ABCC1: variants seen among roughly 807,000 people sequenced by gnomAD.
ABCC1 encodes multidrug resistance-associated protein 1.
ABCC1 carries 83 observed loss-of-function variants against 172.9 expected under a neutral mutation model. That is an observed-to-expected ratio of 0.48 (90% CI 0.40 to 0.58). ABCC1 has a LOEUF of 0.58. ABCC1 is among the 20% of genes least tolerant of loss of function. ABCC1 has a pLI of 0.00. For synonymous variants in ABCC1, 937 were observed against 825.2 expected (o/e 1.14, Z -2.32); for missense variants, 1,817 against 2,002.7 (o/e 0.91, Z 1.77).
intron 1 of ABCC1, among the ~76,000 whole-genome samples, chr16:15,953,911 C>G (rs547150731): frequency 6.6e-6 from 1 of 151,982 alleles, no homozygotes; most frequent in Non-Finnish European, 1.5e-5. Flanking sequence ...CAGCAGTGTA[C>G]GACGAGCCAA....
intron 1 of ABCC1, among the ~76,000 whole-genome samples, chr16:15,968,540 C>G (rs2046297916): frequency 6.6e-6 from 1 of 151,710 alleles, no homozygotes; most frequent in African/African-American, 2.4e-5. Flanking sequence ...CTATGTCTAG[C>G]TAATTTTTGT....
intron 19 of ABCC1, among the ~76,000 whole-genome samples, chr16:16,101,121 TC>T (rs2051725409): frequency 1.3e-5 from 2 of 152,006 alleles, no homozygotes; most frequent in African/African-American, 4.8e-5. Flanking sequence ...AACCTCCGCC[TC>T]CCGGGTTCAA....
chr16:16,115,377 C>G (rs1567422543), intron 23 of ABCC1, among the ~76,000 whole-genome samples: 1 of 151,956 alleles, frequency 6.6e-6, no homozygotes, highest in African/African-American at 2.4e-5. Context: ...TTTCTTGAGA[C>G]AGAGTCTCGC....
chr16:15,989,549 G>T (rs1000272741), intron 1 of ABCC1, among the ~76,000 whole-genome samples: 5 of 152,096 alleles, frequency 3.3e-5, no homozygotes, highest in Non-Finnish European at 7.4e-5. Flanking sequence ...AGCTTCCCTT[G>T]GCTTCTGAGC....
chr16:16,096,771 C>T (rs546509016), intron 19 of ABCC1, among the ~76,000 whole-genome samples: 17 of 152,234 alleles, frequency 1.1e-4, no homozygotes, highest in Non-Finnish European at 2.2e-4. Flanking sequence ...GGACTGGCAA[C>T]GGAATACACA....
At chr16:16,122,377 G>A (rs760032284) in intron 24 of ABCC1, among the ~76,000 whole-genome samples, 5 of 152,172 alleles carry the variant, frequency 3.3e-5, no homozygotes, top group Admixed American at 1.3e-4. Context: ...AGTGCCCGCG[G>A]CATTTAAGTG....
chr16:16,036,159 A>G (rs2048747603), intron 6 of ABCC1, among the ~76,000 whole-genome samples: 1 of 152,070 alleles, frequency 6.6e-6, no homozygotes, highest in South Asian at 2.1e-4. Context: ...AATAAAAAAT[A>G]AAAAAGAGCT....
intron 1 of ABCC1, among the ~76,000 whole-genome samples, chr16:15,974,416 AC>A (rs2046438833): frequency 1.3e-5 from 2 of 152,038 alleles, no homozygotes; most frequent in African/African-American, 2.4e-5. Flanking sequence ...TTGAGCGGTT[AC>A]AGAGTGGGAG....
chr16:15,975,790 A>C lies in ABCC1; in HGVS notation c.48+25991A>C, dbSNP rs1441065921. On this transcript the variant is annotated intron_variant, in intron 1 of 30. Transcript: ENST00000399410. ...AAGCTGGTCTGGAACTCCCAACCTC[A>C]GGTGATCTGCCCGCCTCAGCCTCCC... Among the ~76,000 whole-genome samples the C allele has an allele frequency of 7.2e-5, 11 of 151,892 alleles. No homozygotes were observed. In the East Asian group the frequency reaches 2.2e-3, roughly 30 times the overall value.
chr16:16,036,027 G>A (rs1210214585), intron 6 of ABCC1, among the ~76,000 whole-genome samples: 3 of 152,022 alleles, frequency 2.0e-5, no homozygotes, highest in Non-Finnish European at 2.9e-5. Context: ...GGGAGGTTGA[G>A]ATGGGAGAAC....
chr16:16,044,380 G>A (rs2049111799), intron 7 of ABCC1, 70 bp from the exon 8 acceptor site: 3 of 1,351,444 alleles, frequency 2.2e-6, no homozygotes, highest in Middle Eastern at 2.4e-4. Context: ...ACATTCCCTG[G>A]CCATGTCCCT....
rs892069984 is a variant in ABCC1, at chr16:16,056,099, A to T, written c.1481A>T (p.His494Leu). The T allele has an allele frequency of 1.2e-6, 2 of 1,614,014 alleles. No individual in the cohort carries two copies. The highest frequency in any genetic ancestry group is 1.7e-6 in the Non-Finnish European group (2 of 1,179,984). Residue 494 changes from histidine (H) to leucine (L), a missense_variant, in exon 12 of 31, where the codon CAC (histidine) becomes CTC (leucine). By Grantham distance (99) the His-to-Leu change is moderately conservative (BLOSUM62 -3). Coordinates refer to ENST00000399410, the MANE Select transcript of ABCC1 (RefSeq NM_004996.4). Reference protein sequence around the residue: ...AMKTKTYQVAHMKSKDNRIKL... With the variant: ...AMKTKTYQVALMKSKDNRIKL... ...CTGCCCGTCTCTTCCAAGGTGGCCCACATGAAGAGCAAAGACAATCGGATC... is the reference window on the plus strand; with the variant it reads ...CTGCCCGTCTCTTCCAAGGTGGCCCTCATGAAGAGCAAAGACAATCGGATC...
chr16:15,984,598 C>T (rs1412905976), intron 1 of ABCC1, among the ~76,000 whole-genome samples: 1 of 151,902 alleles, frequency 6.6e-6, no homozygotes. Context: ...GTGTGCGCCA[C>T]CAAGCTCAGC....
At chr16:16,092,819 G>C (rs560456295) in intron 19 of ABCC1, among the ~76,000 whole-genome samples, 5 of 152,264 alleles carry the variant, frequency 3.3e-5, no homozygotes, top group East Asian at 1.9e-4. Context: ...GTGAAACCTC[G>C]TCTCTACTGA....
intron 10 of ABCC1, among the ~76,000 whole-genome samples, chr16:16,052,477 T>C (rs1472756726): frequency 6.6e-6 from 1 of 151,604 alleles, no homozygotes; most frequent in Non-Finnish European, 1.5e-5. Context: ...GCAAAACTCA[T>C]GTGGCCCCAA....
At chr16:15,976,665 C>A (rs971799377) in intron 1 of ABCC1, among the ~76,000 whole-genome samples, 1 of 152,132 alleles carries the variant, frequency 6.6e-6, no homozygotes, top group Non-Finnish European at 1.5e-5. Context: ...AGCATTTTGG[C>A]ACGTGGCTTT....
intron 1 of ABCC1, among the ~76,000 whole-genome samples, chr16:15,972,118 T>TA (rs61233919): frequency 0.12 from 19,004 of 152,168 alleles, 1,312 homozygotes; most frequent in Middle Eastern, 0.16. Flanking sequence ...CTTTTTATTT[T>TA]AAATGGGGAA....
intron 1 of ABCC1, among the ~76,000 whole-genome samples, chr16:15,981,216 A>G (rs1474041462): frequency 1.3e-5 from 2 of 152,194 alleles, no homozygotes; most frequent in African/African-American, 4.8e-5. Flanking sequence ...GCACGGTGCA[A>G]GCTGTCCATG....
In ABCC1 at chr16:15,968,558, G is replaced by T. The variant is rs544739289; in HGVS notation, c.48+18759G>T. The stretch of plus-strand genomic sequence containing the variant: ...TGTCTAGCTAATTTTTGTATTTTTA[G>T]TAGAGATGGGGTTTTACCATTTTGG... On this transcript the variant is annotated intron_variant, in intron 1 of 30. Coordinates refer to ENST00000399410, the MANE Select transcript of ABCC1 (RefSeq NM_004996.4). 1.3e-4 allele frequency among the ~76,000 whole-genome samples: 20 copies of T among 151,544 alleles called. No homozygotes were observed. In the East Asian group the frequency reaches 3.7e-3, roughly 28 times the overall value.
Sources: allele counts gnomAD v4.1 joint callset (sites outside exome capture counted in the v4.1 genomes callset), GRCh38; gene constraint gnomAD v4.1.1; transcripts MANE v1.5; gene names NCBI Gene and HGNC (gene_info 2026-07-23, HGNC 2026-07-21).